The following SORCS2 variants were observed in gnomAD, a reference collection of about 807,000 sequenced individuals.
SORCS2 encodes the protein sortilin related VPS10 domain containing receptor 2.
In SORCS2, 100 loss-of-function variants were observed where a neutral mutation model predicts 141.6. That is an observed-to-expected ratio of 0.71 (90% CI 0.60 to 0.83). The LOEUF (loss-of-function observed/expected upper bound fraction) is 0.83. Ranked by LOEUF, SORCS2 falls within the 40% of genes least tolerant of loss-of-function variation. The pLI is 0.00. For missense variants in SORCS2, 1,646 were observed against 1,560.2 expected (o/e 1.05, Z -0.93); for synonymous variants, 789 against 676.9 (o/e 1.17, Z -2.57).
intron 1 of SORCS2, among the ~76,000 whole-genome samples, chr4:7,242,879 G>A (rs1007438080): frequency 2.0e-5 from 3 of 152,210 alleles, no homozygotes; most frequent in African/African-American, 7.2e-5. Context: ...CCATTCCCAA[G>A]TTGCCGTCAC....
At chr4:7,687,126 C>G (rs959086746) in intron 10 of SORCS2, among the ~76,000 whole-genome samples, 1 of 152,224 alleles carries the variant, frequency 6.6e-6, no homozygotes, top group African/African-American at 2.4e-5. Flanking sequence ...TGACGGAGAC[C>G]AACCCATGAG....
At chr4:7,293,076 G>A (rs978957663) in intron 1 of SORCS2, among the ~76,000 whole-genome samples, 13 of 152,192 alleles carry the variant, frequency 8.5e-5, no homozygotes, top group South Asian at 8.3e-4. Flanking sequence ...GGCCCGAGGC[G>A]GGCGGATCAT....
chr4:7,418,080 G>A (rs914191192), intron 2 of SORCS2, among the ~76,000 whole-genome samples: 1 of 152,160 alleles, frequency 6.6e-6, no homozygotes, highest in Non-Finnish European at 1.5e-5. Context: ...CAGTTACGCT[G>A]TCACTTCTTC....
intron 3 of SORCS2, among the ~76,000 whole-genome samples, chr4:7,532,749 T>A (rs1711765114): frequency 6.6e-6 from 1 of 152,040 alleles, no homozygotes; most frequent in African/African-American, 2.4e-5. Context: ...GTCTCGGTGG[T>A]CTCAGCCACG....
intron 1 of SORCS2, among the ~76,000 whole-genome samples, chr4:7,381,644 CCTT>C (rs200558363): frequency 0.02 from 2,979 of 152,308 alleles, 37 homozygotes; most frequent in Middle Eastern, 0.088. Flanking sequence ...ATGATGTAAA[CCTT>C]CTCTTTGAAA....
intron 3 of SORCS2, among the ~76,000 whole-genome samples, chr4:7,538,241 G>A (rs749805623): frequency 2.6e-5 from 4 of 152,192 alleles, no homozygotes; most frequent in Non-Finnish European, 4.4e-5. Context: ...CCTGTCTTAG[G>A]GAATGAATTC....
At chr4:7,221,631 C>T (rs1409094368) in intron 1 of SORCS2, among the ~76,000 whole-genome samples, 1 of 152,176 alleles carries the variant, frequency 6.6e-6, no homozygotes, top group Non-Finnish European at 1.5e-5. Flanking sequence ...CGTGAGGGCA[C>T]CGGAGAAACA....
At chr4:7,371,142 T>A (rs189618272) in intron 1 of SORCS2, among the ~76,000 whole-genome samples, 1 of 152,218 alleles carries the variant, frequency 6.6e-6, no homozygotes, top group Non-Finnish European at 1.5e-5. Flanking sequence ...ACAGGATGTT[T>A]GTCCAGAGGT....
intron 3 of SORCS2, among the ~76,000 whole-genome samples, chr4:7,570,318 G>C (rs1715302016): frequency 6.6e-6 from 1 of 152,198 alleles, no homozygotes; most frequent in South Asian, 2.1e-4. Flanking sequence ...ACAGCCTCGA[G>C]GCAACCTCCA....
intron 1 of SORCS2, among the ~76,000 whole-genome samples, chr4:7,225,973 G>A (rs1728965440): frequency 6.6e-6 from 1 of 152,146 alleles, no homozygotes; most frequent in African/African-American, 2.4e-5. Context: ...GGGTTCAAGG[G>A]GAGGCAACAA....
chr4:7,372,286 C>T (rs931331787), intron 1 of SORCS2, among the ~76,000 whole-genome samples: 1 of 152,124 alleles, frequency 6.6e-6, no homozygotes, highest in African/African-American at 2.4e-5. Context: ...GTATAAATTA[C>T]ATGTAGTAAA....
At chr4:7,290,796 T>TTTCATTCATTCATTCATTCATTCA (rs3031021) in intron 1 of SORCS2, among the ~76,000 whole-genome samples, 8 of 151,246 alleles carry the variant, frequency 5.3e-5, no homozygotes, top group East Asian at 1.9e-4. Context: ...GGCTGCATTC[T>TTTCATTCATTCATTCATTCATTCA]TTCATTCATT....
intron 3 of SORCS2, among the ~76,000 whole-genome samples, chr4:7,564,524 A>AGT (rs1051865151): frequency 1.3e-5 from 2 of 152,206 alleles, no homozygotes; most frequent in African/African-American, 4.8e-5. Flanking sequence ...GTTCTGAGGG[A>AGT]GTGGAGGTTA....
chr4:7,451,458 T>C (rs781198388), intron 2 of SORCS2, among the ~76,000 whole-genome samples: 6 of 152,266 alleles, frequency 3.9e-5, no homozygotes, highest in Non-Finnish European at 7.3e-5. Context: ...GCACACCTCT[T>C]TGTCAGCCCA....
intron 3 of SORCS2, among the ~76,000 whole-genome samples, chr4:7,621,850 C>T (rs1241137734): frequency 6.6e-6 from 1 of 152,220 alleles, no homozygotes; most frequent in East Asian, 1.9e-4. Context: ...CTGGCAGCAG[C>T]CTGGCCTCTG....
At chr4:7,391,833 T>C (rs1437733825) in intron 1 of SORCS2, among the ~76,000 whole-genome samples, 2 of 152,138 alleles carry the variant, frequency 1.3e-5, no homozygotes, top group African/African-American at 2.4e-5. Context: ...TTCCAGCCCC[T>C]CACCCAGATC....
chr4:7,294,689 C>T (rs1716847671), intron 1 of SORCS2, among the ~76,000 whole-genome samples: 2 of 131,446 alleles, frequency 1.5e-5, no homozygotes, highest in Non-Finnish European at 3.3e-5. Context: ...TCCTCCTCCC[C>T]CTCATCCTCT....
chr4:7,635,527 G>A (rs1377442991), intron 3 of SORCS2, among the ~76,000 whole-genome samples: 1 of 152,140 alleles, frequency 6.6e-6, no homozygotes, highest in East Asian at 1.9e-4. Context: ...CCACTCATTT[G>A]TCATTAACAG....
intron 3 of SORCS2, among the ~76,000 whole-genome samples, chr4:7,598,046 G>T (rs1461103026): frequency 6.8e-6 from 1 of 148,098 alleles, no homozygotes; most frequent in Admixed American, 6.9e-5. Flanking sequence ...TTGGCTCACT[G>T]CAACCTCTGT....
Sources: gnomAD v4.1 joint callset for allele counts (sites outside exome capture counted in the v4.1 genomes callset) on GRCh38, gnomAD v4.1.1 for gene constraint, MANE v1.5 for transcripts, NCBI Gene and HGNC (gene_info 2026-07-23, HGNC 2026-07-21) for gene names.